The following INTS1 variants were observed in gnomAD, a reference collection of about 807,000 sequenced individuals.
INTS1 encodes integrator complex subunit 1.
Under a neutral mutation model 241.6 loss-of-function variants are expected in INTS1, and 137 were observed. The ratio of observed to expected loss-of-function variants is 0.57; its 90% CI spans 0.49 to 0.65. The LOEUF (loss-of-function observed/expected upper bound fraction) is 0.65, where lower values mean the gene tolerates loss of function less well. Ranked by LOEUF, INTS1 falls within the 30% of genes least tolerant of loss-of-function variation. The probability of loss-of-function intolerance (pLI) is 0.00; values close to 1 mark genes in which losing one functional copy is unlikely to be tolerated. For missense variants in INTS1, 3,073 were observed against 3,032.2 expected, an observed-to-expected ratio of 1.01 and a Z score of -0.32; for synonymous variants, 1,692 against 1,337.8, an observed-to-expected ratio of 1.26 and a Z score of -5.78.
intron 1 of INTS1, 68 bp from the exon 2 acceptor site, chr7:1,504,069 T>G (rs1267674511): frequency 8.4e-6 from 7 of 834,216 alleles, no homozygotes; most frequent in African/African-American, 1.8e-5. Flanking sequence ...TTCGCTCCCT[T>G]GCCGCACGGG....
At position 1,494,841 on chromosome 7, in the gene INTS1, T is replaced by C. The variant is rs752057479; in HGVS notation, c.1885A>G (p.Asn629Asp). The change falls in exon 14 of 48, where the codon AAC (asparagine) becomes GAC (aspartate). Residue 629 changes from asparagine to aspartate, a missense_variant. Asn to Asp is a conservative substitution (Grantham distance 23). Coordinates refer to ENST00000404767, the MANE Select transcript of INTS1 (RefSeq NM_001080453.3). ...EQPETYYKWD[N>D]WPPESDRNFF... is the part of the protein sequence containing the mutation. ...TTGCGGTCACTCTCGGGTGGCCAGTTGTCCCACTTGTAGTAGGTCTCCGGC... is the reference window on the plus strand; with the variant it reads ...TTGCGGTCACTCTCGGGTGGCCAGTCGTCCCACTTGTAGTAGGTCTCCGGC... 6.4e-7 allele frequency: 1 copy of C among 1,568,834 alleles called. No individual in the cohort carries two copies. Among genetic ancestry groups the C allele is most frequent in the South Asian group, 1.2e-5 (1 of 85,084 alleles).
At chr7:1,485,853 G>A (rs1346918664) in intron 22 of INTS1, among the ~76,000 whole-genome samples, 3 of 152,218 alleles carry the variant, frequency 2.0e-5, no homozygotes, top group Non-Finnish European at 4.4e-5. Flanking sequence ...TGTTGCCTAG[G>A]CTGGAGTGCA....
Position 1,499,879 on chromosome 7 carries a change from C to T in INTS1, c.684+5G>A, listed in dbSNP as rs1783072040. The T allele has an allele frequency of 6.2e-7, 1 of 1,611,304 alleles. No homozygotes were observed. Among genetic ancestry groups the T allele is most frequent in the Non-Finnish European group, 8.5e-7 (1 of 1,178,358 alleles). The stretch of plus-strand genomic sequence containing the variant: ...ATCTTCACCGTCCCGGGAGAGGACG[C>T]TCACCTTGACAAAGATCTCGGGCCA... On this transcript the variant is annotated splice_donor_5th_base_variant and intron_variant, in intron 5 of 47. Transcript: ENST00000404767.
Position 1,493,104 on chromosome 7 carries a change from C to T in INTS1, c.2071G>A (p.Val691Met), listed in dbSNP as rs1424191652. 6.2e-7 allele frequency: 1 copy of T among 1,611,782 alleles called. No individual in the cohort carries two copies. The highest frequency in any genetic ancestry group is 8.5e-7 in the Non-Finnish European group (1 of 1,178,302). ...KRAAAVQADDVEVLKVGRTQL... is the reference protein window; with the variant it reads ...KRAAAVQADDMEVLKVGRTQL... ...GTCCTCCCCACCTTCAGCACCTCCA[C>T]ATCTAAGACCAAGAGCCACACATGG... Residue 691 changes from valine (V) to methionine (M), a missense_variant and splice_region_variant, in exon 16 of 48, where the codon GTG (valine) becomes ATG (methionine). Coordinates refer to ENST00000404767, the MANE Select transcript of INTS1 (RefSeq NM_001080453.3). This position sits in a 1 kb window ranked among gnomAD's most constrained non-coding sequence, Gnocchi z 5.3.
chr7:1,481,134 GC>G lies in INTS1; in HGVS notation c.3851-202del. ...AAAACACGGCCCTAGGGGGTGCCTGGCCCCAGGGTTGGGGCAGGCCCAGGCC... is the reference window on the plus strand; with the variant it reads ...AAAACACGGCCCTAGGGGGTGCCTGGCCCAGGGTTGGGGCAGGCCCAGGCC... On this transcript the variant is annotated intron_variant, in intron 28 of 47. Coordinates refer to ENST00000404767, the MANE Select transcript of INTS1 (RefSeq NM_001080453.3). This position sits in a 1 kb window ranked among gnomAD's most constrained non-coding sequence, Gnocchi z 6.8. 1 of 720,958 alleles carries G rather than the reference GC, an allele frequency of 1.4e-6. No individual in the cohort carries two copies. Among genetic ancestry groups the G allele is most frequent in the Non-Finnish European group, 2.4e-6 (1 of 421,086 alleles). The allele number at this position is 720,958 out of a possible 1,614,324, so 44.7% of individuals were successfully genotyped here.
Position 1,485,458 on chromosome 7 carries a change from C to A in INTS1, c.2988G>T (p.Leu996=), listed in dbSNP as rs1226213241. The change falls in exon 23 of 48, where the codon CTG becomes CTT. Residue 996 remains leucine, a synonymous_variant. Transcript: ENST00000404767. ...CCCGCAGGCTGCCCTCCGAAAGCAC[C>A]AGCGACAAACCCTGTGGCAGACACT... The part of the protein sequence containing the change: ...SRVLAMKGLS[L]VLSEGSLRDG... 9 of 1,612,342 alleles carry A rather than the reference C, an allele frequency of 5.6e-6. No individual in the cohort carries two copies. The East Asian group carries it at 1.8e-4, about 32-fold the overall frequency.
rs1006667350 is a variant in INTS1, at chr7:1,499,287, C to G, written c.918G>C (p.Leu306=). The G allele has an allele frequency of 2.5e-6, 4 of 1,609,762 alleles. No individual in the cohort carries two copies. The highest frequency in any genetic ancestry group is 3.3e-5 in the Admixed American group (2 of 59,778). The change falls in exon 7 of 48, where the codon CTG becomes CTC. Residue 306 remains leucine, a synonymous_variant. Transcript: ENST00000404767. ...QTELLIAEEK[L]SPEQEGQLMP... is the part of the protein sequence containing the mutation. ...TGAGCTGGCCCTCCTGCTCGGGGCT[C>G]AGCTTCTCCTCCGCGATCAGCAACT...
rs1023122340 is a variant in INTS1, at chr7:1,499,168, C to T, written c.951-7G>A. ...CTCCGCGAGCTCTTCGTACCTAGGC[C>T]AGAGGAGGGAGCGAGGAGGGAGGAA... On this transcript the variant is annotated splice_polypyrimidine_tract_variant and splice_region_variant and intron_variant, in intron 7 of 47. Transcript: ENST00000404767. The T allele has an allele frequency of 2.5e-6, 4 of 1,607,678 alleles. No homozygotes were observed. The highest frequency in any genetic ancestry group is 3.4e-6 in the Non-Finnish European group (4 of 1,177,316).
rs1251818027 is a variant in INTS1, at chr7:1,495,300, G to A, written c.1832+133C>T. On this transcript the variant is annotated intron_variant, in intron 13 of 47. Transcript: ENST00000404767. ...GCCTGGCTTGTCCCGGCTTAGTGGG[G>A]TGTGGGGCAGGGGCTGTGCGGGGCC... The A allele has an allele frequency of 3.6e-6, 4 of 1,096,982 alleles. No individual in the cohort carries two copies. In the South Asian group the frequency reaches 4.9e-5, roughly 14 times the overall value. 68.0% of individuals were successfully genotyped at this position (1,096,982 alleles called of 1,614,324 possible). A position where few individuals can be genotyped will look rare whatever the true frequency, so the allele number is the denominator to read the frequency against.
At chr7:1,495,034 C>A in intron 13 of INTS1, 141 bp from the exon 14 acceptor site, 1 of 943,144 alleles carries the variant, frequency 1.1e-6, no homozygotes, top group Non-Finnish European at 1.6e-6. Flanking sequence ...AGCACCTCCT[C>A]ACAGCACCAC....
At chr7:1,478,914 C>G (rs1781863410) in intron 31 of INTS1, 29 bp from the exon 32 acceptor site, 2 of 1,580,618 alleles carry the variant, frequency 1.3e-6, no homozygotes, top group East Asian at 4.6e-5. Context: ...ACGTGGCTAC[C>G]CTGGCAGAGG....
At chr7:1,480,705 T>C in intron 29 of INTS1, 130 bp downstream of exon 29, 1 of 784,944 alleles carries the variant, frequency 1.3e-6, no homozygotes, top group East Asian at 2.7e-5. Context: ...CCCTCTCAGG[T>C]GGCATCAGCA....
At chr7:1,501,547 C>T (rs1472556807) in intron 3 of INTS1, among the ~76,000 whole-genome samples, 2 of 152,140 alleles carry the variant, frequency 1.3e-5, no homozygotes, top group Non-Finnish European at 2.9e-5. Context: ...ACTCAGAATA[C>T]GCTTTTCATA....
chr7:1,479,225 C>T (rs902537764), intron 31 of INTS1, among the ~76,000 whole-genome samples: 2 of 152,348 alleles, frequency 1.3e-5, no homozygotes, highest in Admixed American at 1.3e-4. Flanking sequence ...AACAGGCGGA[C>T]GCCGCACTGC....
Position 1,493,828 on chromosome 7 carries a change from A to G in INTS1, c.1994T>C (p.Leu665Pro), listed in dbSNP as rs1171360021. ...RILVIGLSRELPLGPADAMEL... is the reference protein window; with the variant it reads ...RILVIGLSREPPLGPADAMEL... ...CATGGCGTCCGCAGGCCCGAGCGGG[A>G]GCTCCCGGGACAGCCCGATGACCAG... The change falls in exon 15 of 48, where the codon CTC becomes CCC. Residue 665 changes from leucine (L) to proline (P), a missense_variant. By Grantham distance (98) the Leu-to-Pro change is moderately conservative. Transcript: ENST00000404767. The surrounding 1 kb of genome is among the most constrained non-coding windows in gnomAD (Gnocchi z 5.3). The G allele has an allele frequency of 6.4e-7, 1 of 1,572,752 alleles. No individual in the cohort carries two copies. Among genetic ancestry groups the G allele is most frequent in the Non-Finnish European group, 8.6e-7 (1 of 1,160,192 alleles).
At chr7:1,485,518 G>C in intron 22 of INTS1, 49 bp from the exon 23 acceptor site, 1 of 1,580,518 alleles carries the variant, frequency 6.3e-7, no homozygotes, top group Admixed American at 1.7e-5. Context: ...GTGCAGGCAG[G>C]GTCTCACCCT....
chr7:1,471,286 C>CA, intron 45 of INTS1, 62 bp from the exon 46 acceptor site: 2 of 1,488,290 alleles, frequency 1.3e-6, no homozygotes, highest in South Asian at 2.4e-5. Context: ...AAGGCCCCTT[C>CA]ACCTCTTGGT....
At chr7:1,486,875 G>A in intron 21 of INTS1, 47 bp downstream of exon 21, 2 of 1,589,856 alleles carry the variant, frequency 1.3e-6, no homozygotes, top group Non-Finnish European at 1.7e-6. Flanking sequence ...GCCCTGACAG[G>A]GGTGCGGGGT....
In INTS1 at chr7:1,487,882, G is replaced by C. The variant is rs773853138; in HGVS notation, c.2394C>G (p.Thr798=). ...RTEMLNRELQ[T]AQREKQEILA... ...GGATCTCCTGCTTCTCCCGCTGGGC[G>C]GTCTGCAGCTCACGGTTCAGCATCT... The change falls in exon 19 of 48, where the codon ACC becomes ACG. Residue 798 remains threonine, a synonymous_variant. Transcript: ENST00000404767. The C allele has an allele frequency of 1.2e-6, 2 of 1,613,586 alleles. No homozygotes were observed.
Sources: gnomAD v4.1 joint callset for allele counts (sites outside exome capture counted in the v4.1 genomes callset) on GRCh38, gnomAD v4.1.1 for gene constraint, Gnocchi (gnomAD v3.1) non-coding constraint, MANE v1.5 for transcripts, NCBI Gene and HGNC (gene_info 2026-07-23, HGNC 2026-07-21) for gene names.